Variants in CPXM2 observed in about 807,000 individuals in gnomAD.
CPXM2 encodes inactive carboxypeptidase-like protein X2.
In CPXM2, 66 loss-of-function variants were observed where a neutral mutation model predicts 86.1. That is an observed-to-expected ratio of 0.77 (90% CI 0.63 to 0.94). The LOEUF (loss-of-function observed/expected upper bound fraction) is 0.94, where lower values mean the gene tolerates loss of function less well. Ranked by LOEUF, CPXM2 falls within the 40% of genes least tolerant of loss-of-function variation. The probability of loss-of-function intolerance (pLI) is 0.00; values close to 1 mark genes in which losing one functional copy is unlikely to be tolerated. For synonymous variants in CPXM2, 388 were observed against 400.2 expected (o/e 0.97, Z 0.36); for missense variants, 948 against 1,026.3 (o/e 0.92, Z 1.04).
chr10:123,747,353 C>T (rs1299434981), intron 13 of CPXM2, among the ~76,000 whole-genome samples: 2 of 152,220 alleles, frequency 1.3e-5, no homozygotes, highest in South Asian at 2.1e-4. Context: ...GCCCTCGCCA[C>T]AAAATGCCAT....
intron 1 of CPXM2, among the ~76,000 whole-genome samples, chr10:123,889,416 C>T (rs1945230625): frequency 1.3e-5 from 2 of 151,754 alleles, no homozygotes; most frequent in African/African-American, 4.8e-5. Context: ...CAACCCTTAA[C>T]ACAACTGTGA....
intron 12 of CPXM2, 31 bp downstream of exon 12, chr10:123,757,182 C>T (rs1846233236): frequency 6.2e-7 from 1 of 1,605,982 alleles, no homozygotes. Flanking sequence ...CAGCTAGTCC[C>T]CCTCATCCCA....
At chr10:123,818,256 T>C (rs761300343) in intron 4 of CPXM2, among the ~76,000 whole-genome samples, 2 of 152,106 alleles carry the variant, frequency 1.3e-5, no homozygotes, top group Non-Finnish European at 2.9e-5. Context: ...AATGGGCCCG[T>C]GAACAAAGTA....
intron 4 of CPXM2, among the ~76,000 whole-genome samples, chr10:123,813,635 C>T (rs1847742992): frequency 1.3e-5 from 2 of 152,156 alleles, no homozygotes; most frequent in South Asian, 4.2e-4. Context: ...GCCACATAAT[C>T]AATCAGAATT....
intron 2 of CPXM2, among the ~76,000 whole-genome samples, chr10:123,901,716 T>C (rs188323340): frequency 6.6e-6 from 1 of 152,254 alleles, no homozygotes; most frequent in East Asian, 1.9e-4. Flanking sequence ...CACACATAAC[T>C]CTGAGTTCCT....
chr10:123,842,527 T>C, intron 3 of CPXM2, 39 bp from the exon 4 acceptor site: 1 of 1,602,236 alleles, frequency 6.2e-7, no homozygotes, highest in Non-Finnish European at 8.5e-7. Flanking sequence ...AAAAGACTCT[T>C]AATTGAAGAA....
At position 123,846,332 on chromosome 10, in the gene CPXM2, G is replaced by C. The variant is rs187421255; in HGVS notation, c.514-3844C>G. ...GACAGTGACAGATCATCAGGCATTA[G>C]ATTCTCATAAGGAGCGCACAACCCA... On this transcript the variant is annotated intron_variant, in intron 3 of 13. Transcript: ENST00000241305. Among the ~76,000 whole-genome samples, 100 of 152,324 alleles carry C rather than the reference G, an allele frequency of 6.6e-4. 1 individual carries two copies. Among genetic ancestry groups the C allele is most frequent in the Non-Finnish European group, 1.2e-3 (81 of 68,030 alleles).
At position 123,923,376 on chromosome 10, in the gene CPXM2, C is replaced by G. The variant is rs563511686; in HGVS notation, n.174+16101G>C. Among the ~76,000 whole-genome samples the G allele has an allele frequency of 3.1e-4, 46 of 150,364 alleles. No homozygotes were observed. In the South Asian group the frequency reaches 3.4e-3, roughly 11 times the overall value. On this transcript the variant is annotated intron_variant and non_coding_transcript_variant, in intron 2 of 19. Coordinates refer to the CPXM2 transcript ENST00000368854. ...CGGGCGGATCACGAGGTCAGGAGAT[C>G]GAGACCATCCTGGCTAACACAGTGA...
chr10:123,907,954 G>T (rs1012508329), intron 2 of CPXM2, among the ~76,000 whole-genome samples: 1 of 152,120 alleles, frequency 6.6e-6, no homozygotes, highest in African/African-American at 2.4e-5. Flanking sequence ...GGGGAGGAAA[G>T]GAAAAGGGGA....
Position 123,750,309 on chromosome 10 carries a change from G to A in CPXM2, c.2018-3292C>T, listed in dbSNP as rs145703396. On this transcript the variant is annotated intron_variant, in intron 13 of 13. Transcript: ENST00000241305. Reference sequence around the variant, plus strand: ...CTCAGTGCTTAGAGCAAAACCCAACGCAGGTCCTGGGGGCCCCTTCCACAT... The same window carrying A: ...CTCAGTGCTTAGAGCAAAACCCAACACAGGTCCTGGGGGCCCCTTCCACAT... 1.3e-3 allele frequency: 1,304 copies of A among 984,586 alleles called. 15 individuals are homozygous for A. The African/African-American group carries it at 0.016, about 12-fold the overall frequency. The allele number at this position is 984,586 out of a possible 1,614,324, so 61.0% of individuals were successfully genotyped here.
At chr10:123,931,675 G>A (rs1945667320) in intron 2 of CPXM2, 1 of 152,156 alleles carries the variant, frequency 6.6e-6, no homozygotes, top group African/African-American at 2.4e-5. Flanking sequence ...AAAAAGGGAT[G>A]GTTGTGGTTA....
intron 4 of CPXM2, among the ~76,000 whole-genome samples, chr10:123,823,767 A>G (rs1847981883): frequency 6.6e-6 from 1 of 152,204 alleles, no homozygotes; most frequent in Non-Finnish European, 1.5e-5. Flanking sequence ...TAACTAATTT[A>G]AAAGAATCTG....
At position 123,799,197 on chromosome 10, in the gene CPXM2, C is replaced by G; in HGVS notation, c.656G>C (p.Ser219Thr). The G allele has an allele frequency of 6.2e-7, 1 of 1,614,046 alleles. No individual in the cohort carries two copies. Among genetic ancestry groups the G allele is most frequent in the African/African-American group, 1.3e-5 (1 of 75,052 alleles). ...ITQGRNSLWL[S>T]DWVTSYKVMV... ...GACCTTATAGGATGTCACCCAGTCA[C>G]TCCTATGAGAAAATAAAACATCATT... The change falls in exon 5 of 14, where the codon AGT becomes ACT. Residue 219 changes from serine to threonine, a missense_variant and splice_region_variant. Ser to Thr is a moderately conservative substitution (Grantham distance 58). Coordinates refer to ENST00000241305, the MANE Select transcript of CPXM2 (RefSeq NM_198148.3).
intron 4 of CPXM2, among the ~76,000 whole-genome samples, chr10:123,810,651 G>A (rs561528849): frequency 2.4e-4 from 37 of 152,158 alleles, no homozygotes; most frequent in African/African-American, 7.7e-4. Flanking sequence ...AGATATTTAT[G>A]GAGGAAACTT....
At position 123,799,791 on chromosome 10, in the gene CPXM2, C is replaced by G. The variant is rs972700323; in HGVS notation, c.654-592G>C. 2.6e-5 allele frequency among the ~76,000 whole-genome samples: 4 copies of G among 152,150 alleles called. No individual in the cohort carries two copies. In the East Asian group the frequency reaches 5.8e-4, roughly 22 times the overall value. ...GATGGCTGGACCCAAATAAATACCC[C>G]CATCATCACACCCTACTGCACAGAA... On this transcript the variant is annotated intron_variant, in intron 4 of 13. Coordinates refer to ENST00000241305, the MANE Select transcript of CPXM2 (RefSeq NM_198148.3).
chr10:123,856,318 C>T (rs1848722649), intron 3 of CPXM2, among the ~76,000 whole-genome samples: 1 of 152,218 alleles, frequency 6.6e-6, no homozygotes, highest in Non-Finnish European at 1.5e-5. Context: ...CACGGCAGTG[C>T]TTACTACTGC....
intron 2 of CPXM2, among the ~76,000 whole-genome samples, chr10:123,904,272 C>T (rs1446617673): frequency 6.6e-6 from 1 of 152,180 alleles, no homozygotes; most frequent in East Asian, 1.9e-4. Flanking sequence ...GGGGCAGACA[C>T]TCCACTGGGC....
intron 1 of CPXM2, among the ~76,000 whole-genome samples, chr10:123,890,714 G>T (rs1180092948): frequency 1.3e-5 from 2 of 152,212 alleles, no homozygotes; most frequent in African/African-American, 4.8e-5. Context: ...TTTGAGAAGG[G>T]TATGAGACTT....
chr10:123,903,762 A>G (rs1337158950), intron 2 of CPXM2, among the ~76,000 whole-genome samples: 1 of 152,222 alleles, frequency 6.6e-6, no homozygotes, highest in Non-Finnish European at 1.5e-5. Context: ...AAATTTTACA[A>G]CAGATCTCGT....
Sources: allele counts gnomAD v4.1 joint callset (sites outside exome capture counted in the v4.1 genomes callset), GRCh38; gene constraint gnomAD v4.1.1; transcripts MANE v1.5; gene names NCBI Gene and HGNC (gene_info 2026-07-23, HGNC 2026-07-21).